SCN4B: variants seen among roughly 807,000 people sequenced by gnomAD.
The protein encoded by SCN4B is sodium channel regulatory subunit beta-4.
Under a neutral mutation model 19.6 loss-of-function variants are expected in SCN4B, and 20 were observed. That is an observed-to-expected ratio of 1.02 (90% CI 0.72 to 1.48). The LOEUF is 1.48. SCN4B is among the 40% of genes most tolerant of loss of function. The pLI is 0.00. For missense variants in SCN4B, 271 were observed against 287.5 expected (o/e 0.94, Z 0.42); for synonymous variants, 127 against 122.8 (o/e 1.03, Z -0.22).
chr11:118,141,066 G>A, intron 4 of SCN4B, 141 bp downstream of exon 4: 2 of 886,958 alleles, frequency 2.3e-6, no homozygotes, highest in Non-Finnish European at 3.7e-6. Flanking sequence ...GATGGGGAGG[G>A]GGTGGCAGGG....
intron 1 of SCN4B, 103 bp from the exon 2 acceptor site, chr11:118,145,332 T>C (rs1257090560): frequency 1.3e-6 from 2 of 1,567,762 alleles, no homozygotes; most frequent in African/African-American, 2.7e-5. Context: ...CAGGTAGGTC[T>C]CTATCACCCT....
intron 1 of SCN4B, among the ~76,000 whole-genome samples, chr11:118,147,031 C>T (rs1948185900): frequency 6.6e-6 from 1 of 152,200 alleles, no homozygotes; most frequent in Non-Finnish European, 1.5e-5. Context: ...AGAACAGTTA[C>T]GGCTGGCTCC....
Position 118,135,422 on chromosome 11 carries a change from C to G in SCN4B, c.*1605G>C, listed in dbSNP as rs1481497265. 2 of 454,082 alleles carry G rather than the reference C, an allele frequency of 4.4e-6. No individual in the cohort carries two copies. The highest frequency in any genetic ancestry group is 4.4e-6 in the Non-Finnish European group (1 of 226,778). 28.1% of individuals were successfully genotyped at this position (454,082 alleles called of 1,614,324 possible). ...ACTCCTCTCTCATCCCTCCTAGGGG[C>G]CCAGAAGACAGGGCATCAAAAAATC... On this transcript the variant is annotated 3_prime_UTR_variant, in exon 5 of 5. Transcript: ENST00000324727.
intron 4 of SCN4B, among the ~76,000 whole-genome samples, chr11:118,138,416 A>G (rs1028054486): frequency 1.3e-5 from 2 of 152,226 alleles, no homozygotes; most frequent in Admixed American, 6.5e-5. Flanking sequence ...TTCAAATGTT[A>G]GTAATAACAA....
At chr11:118,146,717 C>T (rs1236897333) in intron 1 of SCN4B, among the ~76,000 whole-genome samples, 1 of 152,140 alleles carries the variant, frequency 6.6e-6, no homozygotes, top group Non-Finnish European at 1.5e-5. Flanking sequence ...CGGCCATTGT[C>T]GCTAACAATA....
chr11:118,150,736 G>A (rs1467185210), intron 1 of SCN4B, among the ~76,000 whole-genome samples: 1 of 152,154 alleles, frequency 6.6e-6, no homozygotes, highest in African/African-American at 2.4e-5. Context: ...CCTCCAGTTG[G>A]CTGTCCAGTC....
At chr11:118,145,345 G>A (rs1948158592) in intron 1 of SCN4B, 116 bp from the exon 2 acceptor site, 1 of 1,556,828 alleles carries the variant, frequency 6.4e-7, no homozygotes, top group African/African-American at 1.4e-5. Flanking sequence ...ATCACCCTCA[G>A]TGCCAACCTC....
intron 3 of SCN4B, 83 bp from the exon 4 acceptor site, chr11:118,141,419 G>A: frequency 7.7e-6 from 12 of 1,561,016 alleles, no homozygotes; most frequent in Middle Eastern, 2.3e-4. Flanking sequence ...GCAGTGCAAG[G>A]GCCATGTAGC....
rs1378206313 is a variant in SCN4B, at chr11:118,134,750, G to A, written c.*2277C>T. 1 of 454,084 alleles carries A rather than the reference G, an allele frequency of 2.2e-6. No homozygotes were observed. The highest frequency in any genetic ancestry group is 2.3e-5 in the Admixed American group (1 of 42,576). The allele number at this position is 454,084 out of a possible 1,614,324, so 28.1% of individuals were successfully genotyped here. Reference sequence around the variant, plus strand: ...AGATGGGACACAGAGATGAAGACAGGACAGACTTGGAACTATCCCTGCAAT... The same window carrying A: ...AGATGGGACACAGAGATGAAGACAGAACAGACTTGGAACTATCCCTGCAAT... On this transcript the variant is annotated 3_prime_UTR_variant, in exon 5 of 5. Transcript: ENST00000324727.
chr11:118,135,202 G>C lies in SCN4B; in HGVS notation c.*1825C>G, dbSNP rs1441133320. On this transcript the variant is annotated 3_prime_UTR_variant, in exon 5 of 5. Transcript: ENST00000324727. ...GACAGGTTCTGGGTAGAGAAGAATG[G>C]GAGGCGCACAGGCAGATCAGACGGG... is the stretch of plus-strand genomic sequence containing the variant. 2 of 454,012 alleles carry C rather than the reference G, an allele frequency of 4.4e-6. No homozygotes were observed. The highest frequency in any genetic ancestry group is 8.8e-6 in the Non-Finnish European group (2 of 226,714). The allele number at this position is 454,012 out of a possible 1,614,324, so 28.1% of individuals were successfully genotyped here. A position where few individuals can be genotyped will look rare whatever the true frequency, so the allele number is the denominator to read the frequency against.
intron 1 of SCN4B, among the ~76,000 whole-genome samples, chr11:118,152,172 G>T (rs934264062): frequency 1.6e-4 from 25 of 152,124 alleles, no homozygotes; most frequent in Middle Eastern, 3.2e-3. Context: ...ACTGGTGCAT[G>T]CCTGGTGCCT....
chr11:118,139,066 G>A lies in SCN4B; in HGVS notation c.594-1946C>T, dbSNP rs577856009. Among the ~76,000 whole-genome samples the A allele has an allele frequency of 3.9e-5, 6 of 152,154 alleles. No homozygotes were observed. In the South Asian group the frequency reaches 1.2e-3, roughly 32 times the overall value. On this transcript the variant is annotated intron_variant, in intron 4 of 4. Coordinates refer to ENST00000324727, the MANE Select transcript of SCN4B (RefSeq NM_174934.4). ...TTCTGTGCTCTCTGATCGTGCCAGG[G>A]CCCTGCAAGCCCTCGCCAGCTCCCC...
At chr11:118,139,054 G>A (rs1055091035) in intron 4 of SCN4B, among the ~76,000 whole-genome samples, 1 of 151,948 alleles carries the variant, frequency 6.6e-6, no homozygotes, top group Non-Finnish European at 1.5e-5. Context: ...TGTGCTCTCT[G>A]ATCGTGCCAG....
chr11:118,138,943 C>T (rs952165751), intron 4 of SCN4B, among the ~76,000 whole-genome samples: 3 of 152,074 alleles, frequency 2.0e-5, no homozygotes, highest in African/African-American at 4.8e-5. Context: ...AGGCATTCCC[C>T]GCCACTCCAA....
chr11:118,147,941 G>A (rs966757307), intron 1 of SCN4B, among the ~76,000 whole-genome samples: 5 of 152,216 alleles, frequency 3.3e-5, no homozygotes, highest in East Asian at 1.9e-4. Context: ...AGATGCGTGC[G>A]AAAAGGAAAT....
chr11:118,146,342 C>G (rs897892875), intron 1 of SCN4B, among the ~76,000 whole-genome samples: 8 of 151,890 alleles, frequency 5.3e-5, no homozygotes, highest in Non-Finnish European at 1.0e-4. Flanking sequence ...CCTGCAGATG[C>G]CCCAAGGAAA....
chr11:118,152,495 T>C, intron 1 of SCN4B, 118 bp downstream of exon 1: 1 of 860,530 alleles, frequency 1.2e-6, no homozygotes, highest in Non-Finnish European at 1.9e-6. Context: ...GCGGCCACCA[T>C]CCTCATTCCG....
Position 118,135,272 on chromosome 11 carries a change from C to A in SCN4B, c.*1755G>T. 1 of 453,992 alleles carries A rather than the reference C, an allele frequency of 2.2e-6. No homozygotes were observed. The allele number at this position is 453,992 out of a possible 1,614,324, so 28.1% of individuals were successfully genotyped here. A position where few individuals can be genotyped will look rare whatever the true frequency, so the allele number is the denominator to read the frequency against. On this transcript the variant is annotated 3_prime_UTR_variant, in exon 5 of 5. Transcript: ENST00000324727. Reference sequence around the variant, plus strand: ...GTTGGCTAAGGGACACTGGCCACAGCCACGGGCACCCTGCAGGTACTACTG... The same window carrying A: ...GTTGGCTAAGGGACACTGGCCACAGACACGGGCACCCTGCAGGTACTACTG...
chr11:118,148,003 A>G lies in SCN4B; in HGVS notation c.62-2774T>C, dbSNP rs1948198700. On this transcript the variant is annotated intron_variant, in intron 1 of 4. Transcript: ENST00000324727. This position sits in a 1 kb window ranked among gnomAD's most constrained non-coding sequence, Gnocchi z 4.0. The stretch of plus-strand genomic sequence containing the variant: ...AAAACGAGCAAAAGATGGGTCCAGA[A>G]GAGAGGGGAACACTGTATCTTTAAG... Among the ~76,000 whole-genome samples, 1 of 152,214 alleles carries G rather than the reference A, an allele frequency of 6.6e-6. No homozygotes were observed. Among genetic ancestry groups the G allele is most frequent in the African/African-American group, 2.4e-5 (1 of 41,452 alleles).
Sources: allele counts gnomAD v4.1 joint callset (sites outside exome capture counted in the v4.1 genomes callset), GRCh38; gene constraint gnomAD v4.1.1; non-coding constraint Gnocchi (gnomAD v3.1); transcripts MANE v1.5; gene names NCBI Gene and HGNC (gene_info 2026-07-23, HGNC 2026-07-21).